Variants in NALF1 observed in about 807,000 individuals in gnomAD.
NALF1 encodes the protein family with sequence similarity 155 member A.
Under a neutral mutation model 48.4 loss-of-function variants are expected in NALF1, and 3 were observed. The ratio of observed to expected loss-of-function variants is 0.06; its 90% CI spans 0.03 to 0.16. The LOEUF is 0.16. Ranked by LOEUF, NALF1 falls within the 10% of genes least tolerant of loss-of-function variation. NALF1 has a pLI of 1.00. For synonymous variants in NALF1, 262 were observed against 245.7 expected, an observed-to-expected ratio of 1.07 and a Z score of -0.62; for missense variants, 526 against 571.5, an observed-to-expected ratio of 0.92 and a Z score of 0.81.
At chr13:107,381,773 T>C (rs1249213752) in intron 1 of NALF1, among the ~76,000 whole-genome samples, 1 of 152,170 alleles carries the variant, frequency 6.6e-6, no homozygotes, top group Admixed American at 6.5e-5. Flanking sequence ...TTAGTAGCTG[T>C]TCTCAATACT....
Position 107,190,128 on chromosome 13 carries a change from T to C in NALF1, c.1088-19342A>G, listed in dbSNP as rs114729831. ...TATATTGCCCACAGTTATTTTTACATTGGAAATCCTTGGTAACTACAACTC... is the reference window on the plus strand; with the variant it reads ...TATATTGCCCACAGTTATTTTTACACTGGAAATCCTTGGTAACTACAACTC... On this transcript the variant is annotated intron_variant, in intron 2 of 2. Coordinates refer to ENST00000375915, the MANE Select transcript of NALF1 (RefSeq NM_001080396.3). Among the ~76,000 whole-genome samples the C allele has an allele frequency of 3.0e-3, 455 of 152,316 alleles. 1 individual carries two copies. The highest frequency in any genetic ancestry group is 0.01 in the African/African-American group (428 of 41,570).
chr13:107,824,824 G>A (rs913364633), intron 1 of NALF1, among the ~76,000 whole-genome samples: 8 of 152,176 alleles, frequency 5.3e-5, no homozygotes, highest in South Asian at 2.1e-4. Context: ...CTCTTCCATC[G>A]CTGCGTAGTC....
intron 2 of NALF1, among the ~76,000 whole-genome samples, chr13:107,180,415 C>T (rs74946549): frequency 0.011 from 1,735 of 151,974 alleles, 35 homozygotes; most frequent in East Asian, 0.067. Flanking sequence ...TATTTAAGTA[C>T]GATCTTTATC....
chr13:107,774,176 C>T (rs750759184), intron 1 of NALF1, among the ~76,000 whole-genome samples: 1 of 152,156 alleles, frequency 6.6e-6, no homozygotes, highest in African/African-American at 2.4e-5. Context: ...TACATGGCAG[C>T]AGTAATCCAG....
intron 1 of NALF1, among the ~76,000 whole-genome samples, chr13:107,498,469 T>G (rs1480905780): frequency 6.6e-6 from 1 of 152,146 alleles, no homozygotes; most frequent in Admixed American, 6.5e-5. Context: ...AATTGAATTT[T>G]CATGTGATTT....
chr13:107,675,313 G>A (rs576762445), intron 1 of NALF1, among the ~76,000 whole-genome samples: 4 of 152,204 alleles, frequency 2.6e-5, no homozygotes, highest in African/African-American at 9.6e-5. Flanking sequence ...GCTCACGTCT[G>A]GATCCCAAAA....
At chr13:107,711,047 T>C (rs1219968150) in intron 1 of NALF1, among the ~76,000 whole-genome samples, 1 of 152,064 alleles carries the variant, frequency 6.6e-6, no homozygotes, top group South Asian at 2.1e-4. Flanking sequence ...ATAACATCGA[T>C]TTATCCTACA....
At chr13:107,579,714 G>A (rs1175144244) in intron 1 of NALF1, among the ~76,000 whole-genome samples, 2 of 148,264 alleles carry the variant, frequency 1.3e-5, no homozygotes, top group Admixed American at 1.4e-4. Context: ...GGGTACATGT[G>A]CACAATGTGC....
intron 1 of NALF1, among the ~76,000 whole-genome samples, chr13:107,218,469 G>C (rs1036284584): frequency 6.6e-6 from 1 of 152,142 alleles, no homozygotes; most frequent in Non-Finnish European, 1.5e-5. Context: ...ATTGGTTAGC[G>C]TGAGAGCCAG....
intron 1 of NALF1, among the ~76,000 whole-genome samples, chr13:107,725,506 G>A (rs938418378): frequency 1.3e-5 from 2 of 152,158 alleles, no homozygotes; most frequent in African/African-American, 4.8e-5. Flanking sequence ...TCAGGAGTTC[G>A]AGACCAGCCT....
intron 1 of NALF1, among the ~76,000 whole-genome samples, chr13:107,758,633 A>G (rs1278546412): frequency 6.6e-6 from 1 of 152,148 alleles, no homozygotes; most frequent in African/African-American, 2.4e-5. Context: ...ACACAGGAGA[A>G]TGGCGTGAAC....
At chr13:107,593,663 C>A (rs971250162) in intron 1 of NALF1, among the ~76,000 whole-genome samples, 1 of 151,802 alleles carries the variant, frequency 6.6e-6, no homozygotes, top group Non-Finnish European at 1.5e-5. Flanking sequence ...GTGTTTGGGG[C>A]ACATACATCA....
At chr13:107,809,555 T>G (rs1470940195) in intron 1 of NALF1, among the ~76,000 whole-genome samples, 2 of 152,136 alleles carry the variant, frequency 1.3e-5, no homozygotes, top group African/African-American at 4.8e-5. Flanking sequence ...TAGGGTGTGC[T>G]TCCTTTTCTG....
chr13:107,270,517 G>A (rs1478346634), intron 1 of NALF1, among the ~76,000 whole-genome samples: 1 of 151,970 alleles, frequency 6.6e-6, no homozygotes, highest in Non-Finnish European at 1.5e-5. Context: ...AAGATGTTAG[G>A]TGTGATTTTC....
At chr13:107,675,224 C>A (rs1004789579) in intron 1 of NALF1, among the ~76,000 whole-genome samples, 1 of 152,204 alleles carries the variant, frequency 6.6e-6, no homozygotes, top group Non-Finnish European at 1.5e-5. Context: ...TCTGCTCTTA[C>A]GTCCCTGGTA....
At chr13:107,659,890 C>A (rs1880683173) in intron 1 of NALF1, among the ~76,000 whole-genome samples, 2 of 151,544 alleles carry the variant, frequency 1.3e-5, no homozygotes, top group Non-Finnish European at 2.9e-5. Flanking sequence ...AGCCACCACA[C>A]CCAGCTAATT....
chr13:107,678,061 C>A (rs1594201414), intron 1 of NALF1, among the ~76,000 whole-genome samples: 1 of 152,264 alleles, frequency 6.6e-6, no homozygotes, highest in East Asian at 1.9e-4. Flanking sequence ...TTCTTAATAA[C>A]CAGGCCATAA....
intron 1 of NALF1, among the ~76,000 whole-genome samples, chr13:107,404,630 T>C (rs1883868726): frequency 6.6e-6 from 1 of 152,104 alleles, no homozygotes; most frequent in African/African-American, 2.4e-5. Flanking sequence ...GAGATGATAT[T>C]AGAAGGTCAA....
intron 1 of NALF1, among the ~76,000 whole-genome samples, chr13:107,514,504 C>A (rs1019885448): frequency 2.6e-5 from 4 of 151,938 alleles, no homozygotes; most frequent in African/African-American, 9.7e-5. Context: ...ATCATAAGAA[C>A]CTTTGAATGG....
Sources: allele counts gnomAD v4.1 joint callset (sites outside exome capture counted in the v4.1 genomes callset), GRCh38; gene constraint gnomAD v4.1.1; transcripts MANE v1.5; gene names NCBI Gene and HGNC (gene_info 2026-07-23, HGNC 2026-07-21).